The following RFC5 variants were observed in gnomAD, a reference collection of about 807,000 sequenced individuals.
RFC5 encodes the protein A1 36 kDa subunit.
In RFC5, 26 loss-of-function variants were observed where a neutral mutation model predicts 44.3. That is an observed-to-expected ratio of 0.59 (90% CI 0.43 to 0.81). RFC5 has a LOEUF of 0.81. RFC5 is among the 40% of genes least tolerant of loss of function. The probability of loss-of-function intolerance (pLI) is 0.00; values close to 1 mark genes in which losing one functional copy is unlikely to be tolerated. For missense variants in RFC5, 328 were observed against 418.6 expected (o/e 0.78, Z 1.89); for synonymous variants, 155 against 155.2 (o/e 1.00, Z 0.01).
the RFC5 span, chr12:118,038,477 A>G: frequency 1.4e-5 from 17 of 1,215,432 alleles, no homozygotes; most frequent in Non-Finnish European, 2.0e-5. Flanking sequence ...AACAGCCCCC[A>G]GCCCAGTATA....
At chr12:118,035,114 T>C (rs754750224), downstream of RFC5, 2 of 1,613,582 alleles carry the variant, frequency 1.2e-6, no homozygotes, top group Non-Finnish European at 1.7e-6. Context: ...AGAGAGAACA[T>C]CTGGATATTA....
In RFC5 at chr12:118,027,942, T is replaced by G; in HGVS notation, c.794-11T>G. 1 of 1,575,224 alleles carries G rather than the reference T, an allele frequency of 6.3e-7. No individual in the cohort carries two copies. Among genetic ancestry groups the G allele is most frequent in the Non-Finnish European group, 8.7e-7 (1 of 1,145,124 alleles). ...TGGAACTTGTTCCCTTTGCCTTAACTGCTCCTCTAGATATTACAGAGTTGA... is the reference window on the plus strand; with the variant it reads ...TGGAACTTGTTCCCTTTGCCTTAACGGCTCCTCTAGATATTACAGAGTTGA... On this transcript the variant is annotated splice_polypyrimidine_tract_variant and intron_variant, in intron 8 of 10. Transcript: ENST00000454402.
rs1232681448 is a variant in RFC5 at position 118,031,466 on chromosome 12, G to A, written c.*188G>A. 9.3e-6 allele frequency: 4 copies of A among 430,336 alleles called. No homozygotes were observed. Among genetic ancestry groups the A allele is most frequent in the African/African-American group, 6.0e-5 (3 of 49,604 alleles). The allele number at this position is 430,336 out of a possible 1,614,324, so 26.7% of individuals were successfully genotyped here. ...CATTTTTGTGGTTGTTTGGAGCAGG[G>A]ATGTACAAAATAATTTTAATGTATT... On this transcript the variant is annotated 3_prime_UTR_variant, in exon 11 of 11. Transcript: ENST00000454402.
downstream of RFC5, chr12:118,035,228 C>T (rs570295403): frequency 1.1e-5 from 17 of 1,614,168 alleles, no homozygotes; most frequent in Middle Eastern, 1.6e-4. Context: ...CATCTGCCAC[C>T]GTGGCAAGGT....
intron 3 of RFC5, among the ~76,000 whole-genome samples, chr12:118,020,146 C>T (rs373024988): frequency 9.9e-5 from 15 of 152,206 alleles, no homozygotes; most frequent in South Asian, 2.1e-4. Flanking sequence ...CCCTCTGGCT[C>T]CTGGTTGGGT....
At chr12:118,028,588 C>T (rs1190260975) in intron 9 of RFC5, among the ~76,000 whole-genome samples, 2 of 151,030 alleles carry the variant, frequency 1.3e-5, no homozygotes, top group African/African-American at 4.9e-5. Context: ...AACTTTATTT[C>T]CTCTAGGGGT....
At position 118,016,813 on chromosome 12, in the gene RFC5, C is replaced by T; in HGVS notation, c.-15C>T. The T allele has an allele frequency of 6.2e-7, 1 of 1,608,202 alleles. No homozygotes were observed. Among genetic ancestry groups the T allele is most frequent in the Non-Finnish European group, 8.5e-7 (1 of 1,177,374 alleles). The stretch of plus-strand genomic sequence containing the variant: ...CGACGATCTCAGCGGATCTGGTCAC[C>T]TTCGTCTCCCCGCCATGGAGACCTC... On this transcript the variant is annotated 5_prime_UTR_variant, in exon 1 of 11. Transcript: ENST00000454402.
chr12:118,034,781 A>G (rs182960021), downstream of RFC5: 67 of 581,488 alleles, frequency 1.2e-4, no homozygotes, highest in East Asian at 1.8e-3. Context: ...TGACTTACAG[A>G]TCTTTAATTA....
At chr12:118,035,005 C>A, downstream of RFC5, 1 of 1,614,134 alleles carries the variant, frequency 6.2e-7, no homozygotes, top group South Asian at 1.1e-5. Flanking sequence ...ATGACTCCAC[C>A]ATGTGGAAAA....
At position 118,025,882 on chromosome 12, in the gene RFC5, T is replaced by A. The variant is rs551546916; in HGVS notation, c.663+54T>A. ...TTTTTTTTTTGAGACAGAGTCTTGC[T>A]CTGTCGCTCAGGCTGGAGTGCAGCA... On this transcript the variant is annotated intron_variant, in intron 7 of 10. Transcript: ENST00000454402. The A allele has an allele frequency of 1.1e-5, 12 of 1,123,514 alleles. No homozygotes were observed. In the Admixed American group the frequency reaches 2.1e-4, roughly 20 times the overall value. 69.6% of individuals were successfully genotyped at this position (1,123,514 alleles called of 1,614,324 possible). A position where few individuals can be genotyped will look rare whatever the true frequency, so the allele number is the denominator to read the frequency against.
In RFC5 at chr12:118,017,941, A is replaced by G. The variant is rs888154144; in HGVS notation, c.65+1049A>G. On this transcript the variant is annotated intron_variant, in intron 1 of 10. Transcript: ENST00000454402. Reference sequence around the variant, plus strand: ...TCTAGTTCCAAAATTTCATCACCCCAAATGGAAATCCTTTACCCATTGACA... The same window carrying G: ...TCTAGTTCCAAAATTTCATCACCCCGAATGGAAATCCTTTACCCATTGACA... 17 of 683,192 alleles carry G rather than the reference A, an allele frequency of 2.5e-5. No individual in the cohort carries two copies. In the Middle Eastern group the frequency reaches 7.0e-4, roughly 28 times the overall value. The allele number at this position is 683,192 out of a possible 1,614,324, so 42.3% of individuals were successfully genotyped here.
Position 118,019,647 on chromosome 12 carries a change from A to G in RFC5, c.146A>G (p.Asn49Ser), listed in dbSNP as rs752920538. ...TGATCCTCAGTTCAGAAGTTTATCAATGAAGACCGACTGCCACACTTGCTT... is the reference window on the plus strand; with the variant it reads ...TGATCCTCAGTTCAGAAGTTTATCAGTGAAGACCGACTGCCACACTTGCTT... Reference protein sequence around the residue: ...DILSTIQKFINEDRLPHLLLY... With the variant: ...DILSTIQKFISEDRLPHLLLY... The change falls in exon 3 of 11, where the codon AAT becomes AGT. Residue 49 changes from asparagine (N) to serine (S), a missense_variant. Physicochemically the swap from Asn to Ser is conservative, Grantham distance 46. Coordinates refer to ENST00000454402, the MANE Select transcript of RFC5 (RefSeq NM_007370.7). The surrounding 1 kb of genome is among the most constrained non-coding windows in gnomAD (Gnocchi z 4.2). The G allele has an allele frequency of 5.2e-5, 84 of 1,613,952 alleles. No homozygotes were observed. The highest frequency in any genetic ancestry group is 5.0e-4 in the Admixed American group (30 of 59,984).
intron 7 of RFC5, 27 bp from the exon 8 acceptor site, chr12:118,026,862 C>A: frequency 2.5e-6 from 4 of 1,603,048 alleles, no homozygotes; most frequent in African/African-American, 1.3e-5. Context: ...CCACTGTGAT[C>A]TCCCCTTTCC....
At chr12:118,031,084 T>C in intron 10 of RFC5, 98 bp from the exon 11 acceptor site, 1 of 769,252 alleles carries the variant, frequency 1.3e-6, no homozygotes, top group South Asian at 1.7e-5. Context: ...CCATCCCCAC[T>C]CCTTCAACAG....
chr12:118,040,751 A>T, the RFC5 span, among the ~76,000 whole-genome samples: 1 of 152,032 alleles, frequency 6.6e-6, no homozygotes, highest in Non-Finnish European at 1.5e-5. Context: ...TACTGGGCAG[A>T]AACCACCTAG....
chr12:118,039,860 CAGCCTCCCGAGT>C, the RFC5 span, among the ~76,000 whole-genome samples: 8 of 151,928 alleles, frequency 5.3e-5, no homozygotes, highest in South Asian at 1.5e-3. Context: ...TCTCCTGCCT[CAGCCTCCCGAGT>C]AGCTGGGATT....
intron 7 of RFC5, 87 bp downstream of exon 7, chr12:118,025,915 C>G: frequency 1.3e-6 from 1 of 787,348 alleles, no homozygotes; most frequent in South Asian, 1.5e-5. Flanking sequence ...GCAACACAAT[C>G]TCAGCTCACT....
downstream of RFC5, chr12:118,035,071 C>T: frequency 6.2e-7 from 1 of 1,614,170 alleles, no homozygotes; most frequent in Non-Finnish European, 8.5e-7. Context: ...GTTTTCAGTT[C>T]CAGGGCCCAG....
In RFC5 at chr12:118,032,082, A is replaced by G. The variant is rs1248678487; in HGVS notation, c.*804A>G. The G allele has an allele frequency of 1.3e-5, 2 of 152,238 alleles. No individual in the cohort carries two copies. The highest frequency in any genetic ancestry group is 4.8e-5 in the African/African-American group (2 of 41,454). The allele number at this position is 152,238 out of a possible 1,614,324, so 9.4% of individuals were successfully genotyped here. A position where few individuals can be genotyped will look rare whatever the true frequency, so the allele number is the denominator to read the frequency against. On this transcript the variant is annotated 3_prime_UTR_variant, in exon 11 of 11. Transcript: ENST00000454402. ...CTGCATTTGTGTTAGTGTTCTTTAT[A>G]ATAAAAAACAAAGCAGCCTCCTGGC...
Sources: allele counts gnomAD v4.1 joint callset (sites outside exome capture counted in the v4.1 genomes callset), GRCh38; gene constraint gnomAD v4.1.1; non-coding constraint Gnocchi (gnomAD v3.1); transcripts MANE v1.5; gene names NCBI Gene and HGNC (gene_info 2026-07-23, HGNC 2026-07-21).